SCARA3: variants seen among roughly 807,000 people sequenced by gnomAD.
The protein encoded by SCARA3 is cellular stress response gene protein.
In SCARA3, 39 loss-of-function variants were observed where a neutral mutation model predicts 47.0. The observed-to-expected ratio is 0.83, with a 90% CI of 0.64 to 1.08. The LOEUF is 1.08. Among genes scored for constraint, SCARA3 ranks in the 50% least tolerant of loss-of-function variants. The pLI is 0.00. For synonymous variants in SCARA3, 356 were observed against 334.1 expected (o/e 1.07, Z -0.71); for missense variants, 724 against 792.3 (o/e 0.91, Z 1.04).
At chr8:27,665,702 T>G (rs1802001933) in intron 5 of SCARA3, among the ~76,000 whole-genome samples, 1 of 152,224 alleles carries the variant, frequency 6.6e-6, no homozygotes, top group South Asian at 2.1e-4. Flanking sequence ...CATCTGCGAA[T>G]AGAAATATTA....
the SCARA3 span, among the ~76,000 whole-genome samples, chr8:27,724,244 A>T: frequency 5.3e-5 from 8 of 152,300 alleles, no homozygotes; most frequent in African/African-American, 1.7e-4. Context: ...GGGTTGCTAG[A>T]CTGGTAGATC....
rs1801838108 is a variant in SCARA3, at chr8:27,659,319, C to G, written c.1149C>G (p.Leu383=). The change falls in exon 5 of 6, where the codon CTC becomes CTG. Residue 383 remains leucine, a synonymous_variant. Coordinates refer to ENST00000301904, the MANE Select transcript of SCARA3 (RefSeq NM_016240.3). The part of the protein sequence containing the change: ...SMLKYLDDVR[L]SCTLGFHTHA... The stretch of plus-strand genomic sequence containing the variant: ...TCAAGTACCTGGATGACGTGCGGCT[C>G]TCCTGCACGCTGGGCTTCCACACCC... The G allele has an allele frequency of 6.2e-7, 1 of 1,614,152 alleles. No homozygotes were observed. The highest frequency in any genetic ancestry group is 8.5e-7 in the Non-Finnish European group (1 of 1,180,032).
the SCARA3 span, chr8:27,701,110 G>C: frequency 2.6e-5 from 4 of 151,576 alleles, no homozygotes; most frequent in Non-Finnish European, 5.9e-5. Context: ...AAAAAAACTA[G>C]TGATATGCAA....
downstream of SCARA3, among the ~76,000 whole-genome samples, chr8:27,677,418 A>G (rs921556072): frequency 1.3e-5 from 2 of 152,224 alleles, no homozygotes; most frequent in Non-Finnish European, 2.9e-5. Flanking sequence ...ATCAGCTCGA[A>G]TCTATGGGGA....
At chr8:27,642,876 C>T (rs1366103709) in intron 1 of SCARA3, among the ~76,000 whole-genome samples, 1 of 152,080 alleles carries the variant, frequency 6.6e-6, no homozygotes, top group Non-Finnish European at 1.5e-5. Context: ...CCCACCCCTC[C>T]CATCCCTCTG....
Position 27,672,406 on chromosome 8 carries a change from T to G in SCARA3, c.*1055T>G, listed in dbSNP as rs1802187777. On this transcript the variant is annotated 3_prime_UTR_variant, in exon 6 of 6. Transcript: ENST00000301904. ...GTTCTCTCTGCACAGCTGCCTCCCT[T>G]GCTCTCCCTGAGGCTGGCCTGCCCC... 1.0e-6 allele frequency: 1 copy of G among 985,402 alleles called. No homozygotes were observed. The highest frequency in any genetic ancestry group is 6.1e-5 in the Admixed American group (1 of 16,276). The allele number at this position is 985,402 out of a possible 1,614,324, so 61.0% of individuals were successfully genotyped here.
intron 2 of SCARA3, among the ~76,000 whole-genome samples, chr8:27,650,283 C>CA (rs1166878266): frequency 1.3e-5 from 2 of 152,198 alleles, no homozygotes; most frequent in African/African-American, 2.4e-5. Context: ...GTGTGAGCCA[C>CA]TGTGCTTGGC....
chr8:27,709,826 C>T, the SCARA3 span, among the ~76,000 whole-genome samples: 2 of 152,294 alleles, frequency 1.3e-5, no homozygotes, highest in East Asian at 1.9e-4. Context: ...TCCCCACTTC[C>T]TTTCCCTCCC....
intron 1 of SCARA3, among the ~76,000 whole-genome samples, chr8:27,645,996 A>G (rs912870155): frequency 6.6e-6 from 1 of 152,198 alleles, no homozygotes; most frequent in Non-Finnish European, 1.5e-5. Flanking sequence ...AGCCTCACAA[A>G]TGCTTTGGAT....
the SCARA3 span, among the ~76,000 whole-genome samples, chr8:27,724,016 G>A: frequency 2.0e-5 from 3 of 152,188 alleles, no homozygotes; most frequent in East Asian, 1.9e-4. Context: ...GATTATAGGC[G>A]CAAGCCACTG....
downstream of SCARA3, among the ~76,000 whole-genome samples, chr8:27,681,742 C>A (rs767409133): frequency 6.6e-6 from 1 of 152,114 alleles, no homozygotes; most frequent in Non-Finnish European, 1.5e-5. Context: ...GTAAACAAAT[C>A]TCTACATATA....
chr8:27,661,166 T>C (rs1801906096), intron 5 of SCARA3, among the ~76,000 whole-genome samples: 1 of 152,196 alleles, frequency 6.6e-6, no homozygotes, highest in Non-Finnish European at 1.5e-5. Flanking sequence ...CCCAGAATTA[T>C]ATTTGACCAA....
intron 1 of SCARA3, among the ~76,000 whole-genome samples, chr8:27,648,731 TA>T (rs954408308): frequency 6.0e-5 from 9 of 150,996 alleles, no homozygotes; most frequent in Non-Finnish European, 7.4e-5. Flanking sequence ...AGTGCATAGC[TA>T]AAGGTGAAAG....
the SCARA3 span, chr8:27,703,265 G>A: frequency 2.0e-5 from 3 of 152,522 alleles, no homozygotes; most frequent in Non-Finnish European, 4.4e-5. Context: ...TGAACATGAA[G>A]CCGCAGCACC....
At chr8:27,634,317 CG>C in intron 1 of SCARA3, 110 bp downstream of exon 1, 1 of 1,008,090 alleles carries the variant, frequency 9.9e-7, no homozygotes, top group Middle Eastern at 2.9e-4. Flanking sequence ...GAGGGCAGGG[CG>C]CCTCTGGCTT....
At chr8:27,662,068 A>G (rs907700399) in intron 5 of SCARA3, among the ~76,000 whole-genome samples, 7 of 152,202 alleles carry the variant, frequency 4.6e-5, no homozygotes, top group Non-Finnish European at 1.0e-4. Flanking sequence ...CAATGGAATC[A>G]CAGTTGTGTC....
the SCARA3 span, among the ~76,000 whole-genome samples, chr8:27,710,915 A>ATTTTTT: frequency 4.1e-5 from 4 of 96,786 alleles, no homozygotes; most frequent in African/African-American, 8.4e-5. Context: ...CTCATAGGTG[A>ATTTTTT]TTTTTTTTTT....
the SCARA3 span, among the ~76,000 whole-genome samples, chr8:27,706,890 C>T: frequency 6.6e-6 from 1 of 151,846 alleles, no homozygotes; most frequent in South Asian, 2.1e-4. Flanking sequence ...CGTGAAGGCA[C>T]CAGGTAGGGA....
At chr8:27,675,600 G>A (rs1382865423), downstream of SCARA3, among the ~76,000 whole-genome samples, 1 of 152,118 alleles carries the variant, frequency 6.6e-6, no homozygotes, top group Non-Finnish European at 1.5e-5. Context: ...GACCAGCCTG[G>A]CCAATATGGT....
Sources: allele counts gnomAD v4.1 joint callset (sites outside exome capture counted in the v4.1 genomes callset), GRCh38; gene constraint gnomAD v4.1.1; transcripts MANE v1.5; gene names NCBI Gene and HGNC (gene_info 2026-07-23, HGNC 2026-07-21).